The following RUNX2 variants were observed in gnomAD, a reference collection of about 807,000 sequenced individuals.
RUNX2 encodes the protein RUNX family transcription factor 2, also known as runt-related transcription factor 2.
A neutral mutation model predicts 51.7 loss-of-function variants in RUNX2; 10 were observed. The ratio of observed to expected loss-of-function variants is 0.19; its 90% confidence interval spans 0.12 to 0.33. The LOEUF (loss-of-function observed/expected upper bound fraction) is 0.33. Ranked by LOEUF, RUNX2 falls within the 10% of genes least tolerant of loss-of-function variation. The probability of loss-of-function intolerance (pLI) is 1.00; values close to 1 mark genes in which losing one functional copy is unlikely to be tolerated. For missense variants in RUNX2, 562 were observed against 691.3 expected (o/e 0.81, Z 2.10); for synonymous variants, 276 against 273.6 (o/e 1.01, Z -0.09).
rs9381385 is a variant in RUNX2 at position 45,417,363 on chromosome 6, A to C, written c.59-5230A>C. On this transcript the variant is annotated intron_variant, in intron 2 of 8. Transcript: ENST00000647337. ...AAAATGCTGACATATGGAGATGTGT[A>C]AGAAAATTGTTCTTAAGGAGCCTGT... 4.5e-4 allele frequency among the ~76,000 whole-genome samples: 68 copies of C among 152,328 alleles called. 1 individual carries two copies. In the East Asian group the frequency reaches 0.013, roughly 29 times the overall value.
intron 5 of RUNX2, among the ~76,000 whole-genome samples, chr6:45,468,684 A>G (rs987793464): frequency 3.9e-5 from 6 of 152,222 alleles, no homozygotes; most frequent in African/African-American, 1.4e-4. Context: ...TCAGGTAATT[A>G]TAACCAGATT....
At chr6:45,492,218 C>A (rs911119824) in intron 6 of RUNX2, 104 bp downstream of exon 6, 8 of 1,073,276 alleles carry the variant, frequency 7.5e-6, no homozygotes, top group Admixed American at 1.9e-5. Context: ...AGCTGTGAAG[C>A]GGCTTATTAT....
chr6:45,363,776 T>G (rs1232678381), intron 2 of RUNX2, among the ~76,000 whole-genome samples: 1 of 152,094 alleles, frequency 6.6e-6, no homozygotes, highest in Non-Finnish European at 1.5e-5. Context: ...TATGTCAAAT[T>G]TATTGGCATC....
At chr6:45,351,360 G>A (rs902325700) in intron 2 of RUNX2, among the ~76,000 whole-genome samples, 14 of 151,972 alleles carry the variant, frequency 9.2e-5, no homozygotes, top group African/African-American at 2.9e-4. Flanking sequence ...GCATACTTAC[G>A]TACCAGGCAC....
chr6:45,421,537 G>A (rs1798188101), intron 2 of RUNX2: 1 of 152,196 alleles, frequency 6.6e-6, no homozygotes, highest in Non-Finnish European at 1.5e-5. Flanking sequence ...TCAGCACAGA[G>A]GCTCAAGAAT....
At chr6:45,402,839 T>A (rs1381986787) in intron 2 of RUNX2, among the ~76,000 whole-genome samples, 1 of 152,140 alleles carries the variant, frequency 6.6e-6, no homozygotes, top group Non-Finnish European at 1.5e-5. Flanking sequence ...TGCCACTACA[T>A]TCCAGCCTGA....
intron 2 of RUNX2, among the ~76,000 whole-genome samples, chr6:45,373,317 A>C (rs946548534): frequency 6.6e-6 from 1 of 152,086 alleles, no homozygotes; most frequent in African/African-American, 2.4e-5. Context: ...TCAGAGGGAG[A>C]ACTACAGTAC....
Position 45,328,774 on chromosome 6 carries a change from C to T in RUNX2, c.48C>T (p.Asn16=). The T allele has an allele frequency of 1.2e-6, 2 of 1,611,998 alleles. No homozygotes were observed. The highest frequency in any genetic ancestry group is 1.7e-6 in the Non-Finnish European group (2 of 1,178,600). The stretch of plus-strand genomic sequence containing the variant: ...GCACAGTGACACCATGTCAGCAAAA[C>T]TTCTTTTGGGGTAAGTGTTACCATT... The part of the protein sequence containing the change: ...LFSTVTPCQQ[N]FFWDPSTSRR... Residue 16 remains asparagine, a synonymous_variant, in exon 2 of 9, where the codon AAC becomes AAT. Coordinates refer to ENST00000647337, the MANE Select transcript of RUNX2 (RefSeq NM_001024630.4).
At chr6:45,442,903 C>T (rs1480815699) in intron 5 of RUNX2, among the ~76,000 whole-genome samples, 1 of 152,136 alleles carries the variant, frequency 6.6e-6, no homozygotes, top group East Asian at 1.9e-4. Context: ...CACTGCATCT[C>T]TTTCCATATA....
intron 2 of RUNX2, among the ~76,000 whole-genome samples, chr6:45,399,829 A>AAGGAG (rs1797668039): frequency 6.7e-6 from 1 of 148,522 alleles, no homozygotes; most frequent in South Asian, 2.2e-4. Flanking sequence ...TAAGGAAGGA[A>AAGGAG]GGAAGGAAGG....
At chr6:45,354,471 A>T (rs1256842054) in intron 2 of RUNX2, among the ~76,000 whole-genome samples, 1 of 152,094 alleles carries the variant, frequency 6.6e-6, no homozygotes, top group Admixed American at 6.5e-5. Context: ...TGCTTTTATG[A>T]TCTTCTTTTT....
chr6:45,548,792 C>G lies in RUNX2; in HGVS notation c.*1487C>G. 1 of 200,382 alleles carries G rather than the reference C, an allele frequency of 5.0e-6. No individual in the cohort carries two copies. The allele number at this position is 200,382 out of a possible 1,614,324, so 12.4% of individuals were successfully genotyped here. ...GCAAAATTGCACCAGAGATTCTTAA[C>G]CAACCAGCCTTACCAAACAACACAA... On this transcript the variant is annotated 3_prime_UTR_variant, in exon 9 of 9. Transcript: ENST00000647337.
chr6:45,519,155 G>A (rs1432279214), intron 7 of RUNX2, among the ~76,000 whole-genome samples: 2 of 152,120 alleles, frequency 1.3e-5, no homozygotes, highest in Admixed American at 1.3e-4. Flanking sequence ...GTGGAAAAAG[G>A]AGGTCGCATA....
intron 2 of RUNX2, among the ~76,000 whole-genome samples, chr6:45,404,849 A>G (rs1797798958): frequency 1.3e-5 from 2 of 152,272 alleles, no homozygotes; most frequent in African/African-American, 4.8e-5. Context: ...ATACGGTCAG[A>G]TAGGCTATGA....
At chr6:45,356,002 T>C (rs1420828696) in intron 2 of RUNX2, among the ~76,000 whole-genome samples, 1 of 152,132 alleles carries the variant, frequency 6.6e-6, no homozygotes, top group Non-Finnish European at 1.5e-5. Context: ...CTACTAGCCA[T>C]GGCAAAAACT....
chr6:45,525,856 G>A (rs1372693758), intron 7 of RUNX2, among the ~76,000 whole-genome samples: 1 of 152,054 alleles, frequency 6.6e-6, no homozygotes, highest in Non-Finnish European at 1.5e-5. Flanking sequence ...TTAGCTGGGG[G>A]TGGTGCGTGC....
At chr6:45,472,340 G>A (rs901403932) in intron 5 of RUNX2, among the ~76,000 whole-genome samples, 1 of 152,178 alleles carries the variant, frequency 6.6e-6, no homozygotes, top group African/African-American at 2.4e-5. Context: ...TGGGTGTCAG[G>A]AACAAAGGCA....
chr6:45,377,397 G>C (rs1402494566), intron 2 of RUNX2: 1 of 152,302 alleles, frequency 6.6e-6, no homozygotes, highest in Non-Finnish European at 1.5e-5. Flanking sequence ...GTGCCATAAA[G>C]CAACAATTTC....
At chr6:45,347,957 TCAAA>T (rs1250812309) in intron 2 of RUNX2, among the ~76,000 whole-genome samples, 1 of 152,112 alleles carries the variant, frequency 6.6e-6, no homozygotes, top group Non-Finnish European at 1.5e-5. Context: ...TTCCAAAATC[TCAAA>T]CAAATGCATT....
Sources: gnomAD v4.1 joint callset for allele counts (sites outside exome capture counted in the v4.1 genomes callset) on GRCh38, gnomAD v4.1.1 for gene constraint, MANE v1.5 for transcripts, NCBI Gene and HGNC (gene_info 2026-07-23, HGNC 2026-07-21) for gene names.